Variants in TLE4 observed in about 807,000 individuals in gnomAD.
TLE4 encodes transducin-like enhancer protein 4.
A neutral mutation model predicts 92.8 loss-of-function variants in TLE4; 8 were observed. The observed-to-expected ratio is 0.09, with a 90% CI of 0.05 to 0.16. The LOEUF (loss-of-function observed/expected upper bound fraction) is 0.16, where lower values mean the gene tolerates loss of function less well. Among genes scored for constraint, TLE4 ranks in the 10% least tolerant of loss-of-function variants. TLE4 has a pLI of 1.00. For synonymous variants in TLE4, 371 were observed against 374.1 expected (o/e 0.99, Z 0.10); for missense variants, 675 against 997.6 (o/e 0.68, Z 4.36).
At chr9:79,625,954 T>G (rs984623619) in intron 5 of TLE4, among the ~76,000 whole-genome samples, 4 of 151,356 alleles carry the variant, frequency 2.6e-5, no homozygotes, top group African/African-American at 9.7e-5. Flanking sequence ...GAAAATGGAA[T>G]GCATACAATT....
At chr9:79,676,617 G>T (rs2063302516) in intron 8 of TLE4, among the ~76,000 whole-genome samples, 1 of 152,064 alleles carries the variant, frequency 6.6e-6, no homozygotes, top group African/African-American at 2.4e-5. Context: ...AAAATATGTG[G>T]AAAGAGAGAA....
intron 4 of TLE4, among the ~76,000 whole-genome samples, chr9:79,602,397 G>T (rs1321933356): frequency 6.6e-6 from 1 of 152,186 alleles, no homozygotes; most frequent in Admixed American, 6.5e-5. Flanking sequence ...TCAAAGGACA[G>T]ACAGACTCCC....
At chr9:79,709,443 T>G (rs1480578830) in intron 13 of TLE4, among the ~76,000 whole-genome samples, 180 bp from the exon 14 acceptor site, 1 of 152,206 alleles carries the variant, frequency 6.6e-6, no homozygotes, top group Non-Finnish European at 1.5e-5. Context: ...CCCCCAAGTA[T>G]GTTACCATTA....
At chr9:79,626,953 AAATAATTACTTCCAGGAAAC>A (rs1488769954) in intron 5 of TLE4, among the ~76,000 whole-genome samples, 2 of 152,200 alleles carry the variant, frequency 1.3e-5, no homozygotes, top group Admixed American at 1.3e-4. Flanking sequence ...GAAAATTTAA[AAATAATTACTTCCAGGAAAC>A]AATTTTTAAA....
intron 4 of TLE4, among the ~76,000 whole-genome samples, chr9:79,583,278 G>A (rs2040187158): frequency 6.6e-6 from 1 of 152,168 alleles, no homozygotes; most frequent in African/African-American, 2.4e-5. Flanking sequence ...CACATGGGCA[G>A]GGTGTGGATT....
At chr9:79,598,606 C>T (rs760784405) in intron 4 of TLE4, among the ~76,000 whole-genome samples, 2 of 152,176 alleles carry the variant, frequency 1.3e-5, no homozygotes. Flanking sequence ...ATTATGGACT[C>T]TGTAAGTCCT....
chr9:79,674,908 G>T (rs2063015894), intron 8 of TLE4, among the ~76,000 whole-genome samples: 1 of 152,144 alleles, frequency 6.6e-6, no homozygotes, highest in Non-Finnish European at 1.5e-5. Flanking sequence ...ATCTGACAAA[G>T]ATTTTAACTT....
intron 8 of TLE4, among the ~76,000 whole-genome samples, chr9:79,679,044 C>T (rs1300959782): frequency 1.3e-5 from 2 of 151,698 alleles, no homozygotes; most frequent in Non-Finnish European, 2.9e-5. Context: ...GGGTTGGTTC[C>T]AAGTCTTTGC....
At chr9:79,664,276 T>C (rs1225465314) in intron 8 of TLE4, among the ~76,000 whole-genome samples, 1 of 152,182 alleles carries the variant, frequency 6.6e-6, no homozygotes, top group African/African-American at 2.4e-5. Context: ...CATGGGGAAA[T>C]GAATAAAAAT....
rs1241642689 is a variant in TLE4, at chr9:79,708,121, G to A, written c.940G>A (p.Glu314Lys). The change falls in exon 12 of 20, where the codon GAA becomes AAA. Residue 314 changes from glutamate (E) to lysine (K), a missense_variant. This residue lies in a region of TLE4 where 280 missense variants were observed against 287.3 expected (regional missense o/e 0.97). Transcript: ENST00000376552. ...ATATGTCATTTCATCTTGTTAGAAT[G>A]AAAAATCTACTACTCCCGTCTCAAA... ...SSKSKELSLNEKSTTPVSKSN... is the reference protein window; with the variant it reads ...SSKSKELSLNKKSTTPVSKSN... 1 of 1,613,658 alleles carries A rather than the reference G, an allele frequency of 6.2e-7. No individual in the cohort carries two copies. The highest frequency in any genetic ancestry group is 2.2e-5 in the East Asian group (1 of 44,888).
At chr9:79,690,747 T>C (rs2066880757) in intron 8 of TLE4, among the ~76,000 whole-genome samples, 1 of 150,050 alleles carries the variant, frequency 6.7e-6, no homozygotes, top group Non-Finnish European at 1.5e-5. Context: ...CACAAGGTAG[T>C]TGGGACTATA....
intron 8 of TLE4, among the ~76,000 whole-genome samples, chr9:79,667,089 G>A (rs1184566729): frequency 6.6e-6 from 1 of 152,218 alleles, no homozygotes; most frequent in Non-Finnish European, 1.5e-5. Flanking sequence ...AACCCCTACA[G>A]CTGCGCCCAG....
chr9:79,665,636 CG>C (rs1462618932), intron 8 of TLE4, among the ~76,000 whole-genome samples: 3 of 152,152 alleles, frequency 2.0e-5, no homozygotes, highest in African/African-American at 7.2e-5. Context: ...AACGTTCTGT[CG>C]ACTCCCAATC....
At chr9:79,659,207 ATTC>A (rs2060184866) in intron 8 of TLE4, among the ~76,000 whole-genome samples, 1 of 152,228 alleles carries the variant, frequency 6.6e-6, no homozygotes, top group African/African-American at 2.4e-5. Flanking sequence ...ACCCAGTTTC[ATTC>A]TCAGTTATTA....
intron 1 of TLE4, chr9:79,573,481 G>A (rs957407187): frequency 6.2e-6 from 6 of 967,098 alleles, no homozygotes; most frequent in Non-Finnish European, 8.2e-6. Context: ...CTGCGGGCGG[G>A]AGTATGCGGG....
At chr9:79,643,248 A>T (rs2057507201) in intron 6 of TLE4, among the ~76,000 whole-genome samples, 1 of 152,212 alleles carries the variant, frequency 6.6e-6, no homozygotes. Flanking sequence ...ATACAAATAC[A>T]TGTGCACTTT....
chr9:79,577,096 A>T (rs1007937788), intron 4 of TLE4, among the ~76,000 whole-genome samples: 1 of 152,096 alleles, frequency 6.6e-6, no homozygotes, highest in African/African-American at 2.4e-5. Flanking sequence ...ATAGGTGTGT[A>T]TGTGTTTGTC....
intron 8 of TLE4, among the ~76,000 whole-genome samples, chr9:79,688,977 C>G (rs2066469923): frequency 6.6e-6 from 1 of 151,996 alleles, no homozygotes; most frequent in African/African-American, 2.4e-5. Context: ...CAGTGATGAC[C>G]TCTTCTGTAA....
intron 8 of TLE4, among the ~76,000 whole-genome samples, chr9:79,699,803 G>A (rs953754792): frequency 7.2e-5 from 11 of 152,244 alleles, no homozygotes; most frequent in African/African-American, 1.2e-4. Context: ...AGTCCATTGT[G>A]GAGATGGTAT....
Sources: gnomAD v4.1 joint callset for allele counts (sites outside exome capture counted in the v4.1 genomes callset) on GRCh38, gnomAD v4.1.1 for gene constraint, gnomAD v4.1.1 regional missense constraint, MANE v1.5 for transcripts, NCBI Gene and HGNC (gene_info 2026-07-23, HGNC 2026-07-21) for gene names.